Variants in MCU observed in about 807,000 individuals in gnomAD.
The protein encoded by MCU is mitochondrial calcium uniporter, also known as calcium uniporter protein, mitochondrial.
In MCU, 12 loss-of-function variants were observed where a neutral mutation model predicts 45.2. The observed-to-expected ratio is 0.27, with a 90% CI of 0.17 to 0.43. MCU has a LOEUF of 0.43. Ranked by LOEUF, MCU falls within the 20% of genes least tolerant of loss-of-function variation. MCU has a pLI of 1.00. For synonymous variants in MCU, 160 were observed against 165.1 expected, an observed-to-expected ratio of 0.97 and a Z score of 0.24; for missense variants, 324 against 436.7, an observed-to-expected ratio of 0.74 and a Z score of 2.30.
intron 1 of MCU, among the ~76,000 whole-genome samples, chr10:72,695,215 A>G (rs973554430): frequency 2.6e-5 from 4 of 152,230 alleles, no homozygotes; most frequent in African/African-American, 9.7e-5. Flanking sequence ...GTTAACGGCT[A>G]TGCTGAATTA....
Position 72,805,083 on chromosome 10 carries a change from TTCTTTCTTTCTTTCTTTC to T in MCU, c.151-29256_151-29239del, listed in dbSNP as rs1310628050. Among the ~76,000 whole-genome samples the T allele has an allele frequency of 3.2e-3, 454 of 143,688 alleles. 2 individuals are homozygous for T. The highest frequency in any genetic ancestry group is 0.011 in the African/African-American group (405 of 37,020). 94.3% of individuals were successfully genotyped at this position (143,688 alleles called of 152,430 possible). A position where few individuals can be genotyped will look rare whatever the true frequency, so the allele number is the denominator to read the frequency against. ...CCTCACCTGGCCCTAGTTTGTTTCT[TTCTTTCTTTCTTTCTTTC>T]TCTTTCTTTCTTTCTTTCTTTCTTT... On this transcript the variant is annotated intron_variant, in intron 1 of 7. Coordinates refer to ENST00000373053, the MANE Select transcript of MCU (RefSeq NM_138357.3).
At position 72,821,279 on chromosome 10, in the gene MCU, G is replaced by A. The variant is rs114717822; in HGVS notation, c.151-13080G>A. 3.0e-3 allele frequency among the ~76,000 whole-genome samples: 454 copies of A among 151,360 alleles called. 4 individuals carry two copies. Among genetic ancestry groups the A allele is most frequent in the African/African-American group, 0.01 (426 of 41,206 alleles). On this transcript the variant is annotated intron_variant, in intron 1 of 7. Coordinates refer to ENST00000373053, the MANE Select transcript of MCU (RefSeq NM_138357.3). ...TCTTCAAGGCCTGCATGAAGTACGA[G>A]GATCAACATTTTCTTAATGGAATGC...
At chr10:72,758,311 C>G (rs1274038903) in intron 1 of MCU, among the ~76,000 whole-genome samples, 2 of 152,198 alleles carry the variant, frequency 1.3e-5, no homozygotes, top group African/African-American at 4.8e-5. Context: ...GTAGCTGGTA[C>G]TACAGCCACA....
At chr10:72,871,277 C>T (rs1389571924) in intron 5 of MCU, 100 bp from the exon 6 acceptor site, 1 of 1,024,166 alleles carries the variant, frequency 9.8e-7, no homozygotes, top group Non-Finnish European at 1.5e-6. Flanking sequence ...AGACTTGTGT[C>T]TTGATGATGA....
chr10:72,880,561 A>G (rs564126985), intron 6 of MCU, among the ~76,000 whole-genome samples: 86 of 152,346 alleles, frequency 5.6e-4, no homozygotes, highest in African/African-American at 2.0e-3. Flanking sequence ...CAACTGATCC[A>G]TTAGATTCAG....
rs1462489182 is a variant in MCU, at chr10:72,692,259, G to T, written c.108G>T (p.Gly36=). 8.1e-7 allele frequency: 1 copy of T among 1,234,546 alleles called. No individual in the cohort carries two copies. Among genetic ancestry groups the T allele is most frequent in the Non-Finnish European group, 1.0e-6 (1 of 985,656 alleles). 76.5% of individuals were successfully genotyped at this position (1,234,546 alleles called of 1,614,324 possible). Residue 36 remains glycine, a synonymous_variant, in exon 1 of 8, where the codon GGG becomes GGT. Coordinates refer to ENST00000373053, the MANE Select transcript of MCU (RefSeq NM_138357.3). The part of the protein sequence containing the change: ...CGALTAGCFP[G]LGVSRHRQQQ... ...CGCTGACTGCCGGCTGCTTCCCTGG[G>T]CTGGGCGTCAGCCGCCACCGGCAGC...
chr10:72,695,182 C>T (rs565892878), intron 1 of MCU, among the ~76,000 whole-genome samples: 1 of 152,246 alleles, frequency 6.6e-6, no homozygotes, highest in African/African-American at 2.4e-5. Context: ...TTATGACAGC[C>T]CCACTGTTGG....
At chr10:72,704,928 C>T (rs1038278950) in intron 1 of MCU, among the ~76,000 whole-genome samples, 22 of 151,866 alleles carry the variant, frequency 1.4e-4, no homozygotes, top group Non-Finnish European at 1.3e-4. Flanking sequence ...ACCATGTTGG[C>T]CAGGCTGATC....
At chr10:72,852,426 T>G (rs1277458638) in intron 2 of MCU, among the ~76,000 whole-genome samples, 1 of 152,230 alleles carries the variant, frequency 6.6e-6, no homozygotes, top group Non-Finnish European at 1.5e-5. Flanking sequence ...ATGTAAAAAT[T>G]CAAATCGTAC....
chr10:72,847,585 C>G (rs1481012314), intron 2 of MCU, among the ~76,000 whole-genome samples: 6 of 152,090 alleles, frequency 3.9e-5, no homozygotes. Context: ...TAGAACATAT[C>G]CTCCATGTAT....
At chr10:72,851,701 A>C (rs1845209625) in intron 2 of MCU, among the ~76,000 whole-genome samples, 1 of 152,128 alleles carries the variant, frequency 6.6e-6, no homozygotes, top group Non-Finnish European at 1.5e-5. Context: ...GGAAGTTGCA[A>C]ATCTTGTGAC....
intron 1 of MCU, among the ~76,000 whole-genome samples, chr10:72,704,383 T>C (rs909346090): frequency 6.6e-6 from 1 of 152,214 alleles, no homozygotes; most frequent in Non-Finnish European, 1.5e-5. Context: ...ACTGAAACTT[T>C]ATTTCTTAAC....
rs114642335 is a variant in MCU at position 72,815,162 on chromosome 10, A to C, written c.151-19197A>C. 6.5e-3 allele frequency among the ~76,000 whole-genome samples: 996 copies of C among 152,390 alleles called. 14 individuals carry two copies. Among genetic ancestry groups the C allele is most frequent in the African/African-American group, 0.022 (917 of 41,594 alleles). On this transcript the variant is annotated intron_variant, in intron 1 of 7. Coordinates refer to ENST00000373053, the MANE Select transcript of MCU (RefSeq NM_138357.3). Reference sequence around the variant, plus strand: ...AATACTTTAGGCTTTGCAGCCATATAGTTTCTGTTACAGGCATTCAGCTCT... The same window carrying C: ...AATACTTTAGGCTTTGCAGCCATATCGTTTCTGTTACAGGCATTCAGCTCT...
intron 1 of MCU, among the ~76,000 whole-genome samples, chr10:72,794,580 G>A (rs1015563111): frequency 3.9e-5 from 6 of 152,048 alleles, no homozygotes; most frequent in Non-Finnish European, 8.8e-5. Context: ...CCTTCATTTT[G>A]TTCTGTTTCT....
intron 1 of MCU, among the ~76,000 whole-genome samples, chr10:72,783,354 T>C (rs1189924599): frequency 6.6e-6 from 1 of 152,290 alleles, no homozygotes; most frequent in Non-Finnish European, 1.5e-5. Flanking sequence ...TAGAATATTA[T>C]TGAGGACATC....
At chr10:72,788,061 G>A (rs1035632828) in intron 1 of MCU, among the ~76,000 whole-genome samples, 6 of 152,198 alleles carry the variant, frequency 3.9e-5, no homozygotes, top group Non-Finnish European at 7.3e-5. Flanking sequence ...TGCTGTGTAC[G>A]TGATAGGCAA....
chr10:72,782,279 A>G (rs187692627), intron 1 of MCU, among the ~76,000 whole-genome samples: 2 of 152,102 alleles, frequency 1.3e-5, no homozygotes, highest in Non-Finnish European at 2.9e-5. Flanking sequence ...CCCTCATGCT[A>G]TGTGTACTTC....
At chr10:72,728,702 G>A (rs1048429474) in intron 1 of MCU, among the ~76,000 whole-genome samples, 3 of 152,092 alleles carry the variant, frequency 2.0e-5, no homozygotes, top group African/African-American at 7.2e-5. Context: ...ATAACACTGG[G>A]GAGAAGTTTC....
intron 1 of MCU, chr10:72,715,888 CTT>C: frequency 1.0e-6 from 1 of 985,584 alleles, no homozygotes; most frequent in Non-Finnish European, 1.2e-6. Flanking sequence ...GCAGGGGAAA[CTT>C]GAACATTCGC....
Sources: gnomAD v4.1 joint callset for allele counts (sites outside exome capture counted in the v4.1 genomes callset) on GRCh38, gnomAD v4.1.1 for gene constraint, MANE v1.5 for transcripts, NCBI Gene and HGNC (gene_info 2026-07-23, HGNC 2026-07-21) for gene names.